NLRC5: variants seen among roughly 807,000 people sequenced by gnomAD.
The protein encoded by NLRC5 is protein NLRC5.
In NLRC5, 114 loss-of-function variants were observed where a neutral mutation model predicts 206.9. The observed-to-expected ratio is 0.55, with a 90% CI of 0.47 to 0.64. NLRC5 has a LOEUF of 0.64. Among genes scored for constraint, NLRC5 ranks in the 30% least tolerant of loss-of-function variants. The probability of loss-of-function intolerance (pLI) is 0.00; values close to 1 mark genes in which losing one functional copy is unlikely to be tolerated. For missense variants in NLRC5, 2,008 were observed against 2,305.5 expected (o/e 0.87, Z 2.64); for synonymous variants, 952 against 962.8 (o/e 0.99, Z 0.21).
rs777057135 is a variant in NLRC5, at chr16:57,020,770, C to G, written c.58C>G (p.Leu20Val). ...NKNLWSCLVR[L>V]LTKDPEWLNA... ...GAACCTGTGGAGCTGTCTTGTGAGG[C>G]TGCTCACCAAAGACCCAGAATGGCT... The change falls in exon 3 of 49, where the codon CTG (leucine) becomes GTG (valine). Residue 20 changes from leucine to valine, a missense_variant. Transcript: ENST00000688547. 2 of 1,612,918 alleles carry G rather than the reference C, an allele frequency of 1.2e-6. No individual in the cohort carries two copies. Among genetic ancestry groups the G allele is most frequent in the South Asian group, 1.1e-5 (1 of 90,950 alleles).
chr16:57,067,563 C>T (rs116019971), intron 35 of NLRC5, 93 bp downstream of exon 35: 27,579 of 1,421,134 alleles, frequency 0.019, 359 homozygotes, highest in Middle Eastern at 0.073. Flanking sequence ...ATTCTCACTT[C>T]CTTGTGCAGG....
chr16:57,031,334 G>A (rs1401579746), intron 10 of NLRC5, 70 bp from the exon 11 acceptor site: 4 of 1,513,144 alleles, frequency 2.6e-6, no homozygotes, highest in Non-Finnish European at 9.2e-7. Flanking sequence ...GCAGAAAAGG[G>A]TGTGCCTGTG....
intron 24 of NLRC5, 101 bp downstream of exon 24, chr16:57,051,722 G>A (rs912397775): frequency 1.4e-4 from 111 of 777,266 alleles, no homozygotes; most frequent in East Asian, 5.3e-5. Flanking sequence ...TCAACCCCCC[G>A]CCTTTACCCC....
intron 32 of NLRC5, chr16:57,061,953 G>T: frequency 6.8e-7 from 1 of 1,478,014 alleles, no homozygotes; most frequent in Non-Finnish European, 8.9e-7. Flanking sequence ...AAAGAAAGAA[G>T]GTTTCAGAGG....
At chr16:57,025,224 TG>T in intron 5 of NLRC5, 143 bp from the exon 6 acceptor site, 1 of 1,377,894 alleles carries the variant, frequency 7.3e-7, no homozygotes, top group Non-Finnish European at 9.6e-7. Context: ...GATCCCCCTA[TG>T]GTGCTCTTGA....
chr16:57,069,901 A>G lies in NLRC5; in HGVS notation c.4565A>G (p.His1522Arg). ...CTGGCATCTGGTCTGGGCCACTGCCACCACTTGGAGGAGCTGGAGTGAGTT... is the reference window on the plus strand; with the variant it reads ...CTGGCATCTGGTCTGGGCCACTGCCGCCACTTGGAGGAGCTGGAGTGAGTT... Reference protein sequence around the residue: ...AHLASGLGHCHHLEELDLSNN... With the variant: ...AHLASGLGHCRHLEELDLSNN... The change falls in exon 37 of 49, where the codon CAC becomes CGC. Residue 1522 changes from histidine (H) to arginine (R), a missense_variant. Coordinates refer to ENST00000688547, the MANE Select transcript of NLRC5 (RefSeq NM_001384950.1). The G allele has an allele frequency of 1.3e-6, 2 of 1,584,120 alleles. No homozygotes were observed. Among genetic ancestry groups the G allele is most frequent in the Non-Finnish European group, 1.7e-6 (2 of 1,165,668 alleles).
At chr16:57,074,767 G>T (rs2068152949) in intron 39 of NLRC5, 84 bp downstream of exon 39, 15 of 1,320,842 alleles carry the variant, frequency 1.1e-5, no homozygotes, top group Admixed American at 6.7e-5. Context: ...AAGCACTGAG[G>T]CCACCTCCCA....
chr16:57,022,793 T>C (rs770870586), intron 4 of NLRC5, among the ~76,000 whole-genome samples: 1 of 152,264 alleles, frequency 6.6e-6, no homozygotes, highest in Admixed American at 6.5e-5. Context: ...CACCTACTGA[T>C]TCGTGGGTCA....
chr16:57,078,084 G>GT (rs2068638218), intron 43 of NLRC5, 64 bp downstream of exon 43: 4 of 1,369,194 alleles, frequency 2.9e-6, no homozygotes, highest in Middle Eastern at 2.3e-4. Flanking sequence ...GGAGCAGTGG[G>GT]GGGGTCCAGG....
rs758068265 is a variant in NLRC5, at chr16:57,025,948, C to T, written c.1005C>T (p.Thr335=). The T allele has an allele frequency of 5.6e-6, 9 of 1,614,170 alleles. No homozygotes were observed. The highest frequency in any genetic ancestry group is 1.3e-5 in the African/African-American group (1 of 75,066). The change falls in exon 6 of 49, where the codon ACC becomes ACT. Residue 335 remains threonine (T), a synonymous_variant. Coordinates refer to ENST00000688547, the MANE Select transcript of NLRC5 (RefSeq NM_001384950.1). ...LTLFSHLCNG[T]LLPGCRVMAT... is the part of the protein sequence containing the mutation. ...TTTTCTCCCATCTCTGCAATGGGAC[C>T]CTCCTGCCTGGCTGCCGGGTGATGG... is the stretch of plus-strand genomic sequence containing the variant.
Position 57,061,663 on chromosome 16 carries a change from G to A in NLRC5, c.4116G>A (p.Leu1372=), listed in dbSNP as rs765507598. The A allele has an allele frequency of 1.6e-5, 26 of 1,609,890 alleles. No homozygotes were observed. Among genetic ancestry groups the A allele is most frequent in the African/African-American group, 2.7e-5 (2 of 74,924 alleles). ...GCCAGAAGCAGCTGGCCATCCTCCT[G>A]AGCTTGGTGGGGCGACCCGCAGGGC... ...CLGQKQLAIL[L]SLVGRPAGLF... is the part of the protein sequence containing the mutation. The change falls in exon 32 of 49, where the codon CTG becomes CTA. Residue 1372 remains leucine, a synonymous_variant. Coordinates refer to ENST00000688547, the MANE Select transcript of NLRC5 (RefSeq NM_001384950.1).
rs753432434 is a variant in NLRC5, at chr16:57,026,287, C to A, written c.1344C>A (p.Pro448=). The change falls in exon 6 of 49, where the codon CCC becomes CCA. Residue 448 remains proline, a synonymous_variant. Coordinates refer to ENST00000688547, the MANE Select transcript of NLRC5 (RefSeq NM_001384950.1). ...TGCAGATGGTGCTCGCCCTCAGCCC[C>A]CCTGGGCACTTGCCCACCTCGTCCC... ...LYMQMVLALS[P]PGHLPTSSLL... is the part of the protein sequence containing the mutation. 2 of 1,613,956 alleles carry A rather than the reference C, an allele frequency of 1.2e-6. No individual in the cohort carries two copies. Among genetic ancestry groups the A allele is most frequent in the African/African-American group, 2.7e-5 (2 of 74,946 alleles).
intron 30 of NLRC5, 27 bp from the exon 31 acceptor site, chr16:57,061,421 G>A (rs12933608): frequency 6.2e-7 from 1 of 1,605,878 alleles, no homozygotes; most frequent in East Asian, 2.2e-5. Flanking sequence ...GCCTCACCCA[G>A]GCTCTGCCCT....
chr16:56,994,213 G>A (rs2057321940), intron 1 of NLRC5, among the ~76,000 whole-genome samples: 1 of 152,012 alleles, frequency 6.6e-6, no homozygotes, highest in South Asian at 2.1e-4. Flanking sequence ...AGGGAGGGGA[G>A]AAGAAAGGAA....
chr16:57,026,294 C>G lies in NLRC5; in HGVS notation c.1351C>G (p.His451Asp). Reference protein sequence around the residue: ...QMVLALSPPGHLPTSSLLDLG... With the variant: ...QMVLALSPPGDLPTSSLLDLG... Reference sequence around the variant, plus strand: ...GGTGCTCGCCCTCAGCCCCCCTGGGCACTTGCCCACCTCGTCCCTACTGGA... The same window carrying G: ...GGTGCTCGCCCTCAGCCCCCCTGGGGACTTGCCCACCTCGTCCCTACTGGA... Residue 451 changes from histidine (H) to aspartate (D), a missense_variant, in exon 6 of 49, where the codon CAC becomes GAC. Physicochemically the swap from His to Asp is moderately conservative, Grantham distance 81 (BLOSUM62 -1). Transcript: ENST00000688547. The G allele has an allele frequency of 6.2e-7, 1 of 1,614,082 alleles. No individual in the cohort carries two copies. The highest frequency in any genetic ancestry group is 1.6e-4 in the Middle Eastern group (1 of 6,062).
intron 32 of NLRC5, 25 bp downstream of exon 32, chr16:57,061,726 G>C: frequency 2.5e-6 from 4 of 1,590,618 alleles, no homozygotes; most frequent in Non-Finnish European, 2.6e-6. Flanking sequence ...GCTGCCTCCG[G>C]GAGGGGCCAT....
At chr16:57,017,291 C>G (rs1192110398) in intron 2 of NLRC5, 103 bp downstream of exon 2, 1 of 152,706 alleles carries the variant, frequency 6.5e-6, no homozygotes, top group African/African-American at 2.4e-5. Context: ...ATCTGCCTTA[C>G]TGGGCTGCCC....
chr16:57,036,162 T>A lies in NLRC5; in HGVS notation c.2690T>A (p.Leu897Gln). 1.2e-6 allele frequency: 2 copies of A among 1,613,514 alleles called. No homozygotes were observed. Among genetic ancestry groups the A allele is most frequent in the Non-Finnish European group, 8.5e-7 (1 of 1,179,992 alleles). Residue 897 changes from leucine to glutamine, a missense_variant, in exon 14 of 49, where the codon CTG becomes CAG. Physicochemically the swap from Leu to Gln is moderately radical, Grantham distance 113 (BLOSUM62 -2). Transcript: ENST00000688547. ...CTGATGGCAGAGGCTGCATCCCAGC[T>A]GCACATCGCCAGGAAGCTGGAGTGA... ...CRLMAEAASQ[L>Q]HIARKLDLSN...
chr16:57,081,628 G>C lies in NLRC5; in HGVS notation c.5489+18G>C. ...GTCATCCGGTAACAGAGGCCTGCAG[G>C]GGCAGGGATGGTGGGTGGGAGGCTA... is the stretch of plus-strand genomic sequence containing the variant. On this transcript the variant is annotated intron_variant, in intron 48 of 48. Transcript: ENST00000688547. 6.2e-7 allele frequency: 1 copy of C among 1,608,414 alleles called. No homozygotes were observed. The highest frequency in any genetic ancestry group is 8.5e-7 in the Non-Finnish European group (1 of 1,175,002).
Sources: allele counts gnomAD v4.1 joint callset (sites outside exome capture counted in the v4.1 genomes callset), GRCh38; gene constraint gnomAD v4.1.1; transcripts MANE v1.5; gene names NCBI Gene and HGNC (gene_info 2026-07-23, HGNC 2026-07-21).